The following ARG2 variants were observed in gnomAD, a reference collection of about 807,000 sequenced individuals.
ARG2 encodes the protein arginase 2.
In ARG2, 21 loss-of-function variants were observed where a neutral mutation model predicts 39.4. The observed-to-expected ratio is 0.53, with a 90% CI of 0.38 to 0.77. The LOEUF (loss-of-function observed/expected upper bound fraction) is 0.77. Among genes scored for constraint, ARG2 ranks in the 30% least tolerant of loss-of-function variants. The pLI, the probability that ARG2 is intolerant of heterozygous loss-of-function variation, is 0.00. For missense variants in ARG2, 378 were observed against 426.2 expected (o/e 0.89, Z 1.00); for synonymous variants, 150 against 156.7 (o/e 0.96, Z 0.32).
chr14:67,644,012 G>C (rs963930391), intron 3 of ARG2, among the ~76,000 whole-genome samples: 1 of 151,904 alleles, frequency 6.6e-6, no homozygotes, highest in Non-Finnish European at 1.5e-5. Context: ...TATTAAGTCT[G>C]TCTGCTGTTC....
At chr14:67,642,056 C>T (rs888251486) in intron 2 of ARG2, 130 bp from the exon 3 acceptor site, 17 of 913,108 alleles carry the variant, frequency 1.9e-5, no homozygotes, top group Admixed American at 1.0e-4. Context: ...AATCATTTGA[C>T]ATTTTAAATT....
intron 5 of ARG2, 23 bp from the exon 6 acceptor site, chr14:67,646,898 C>T (rs761177455): frequency 2.0e-6 from 3 of 1,512,488 alleles, no homozygotes; most frequent in Non-Finnish European, 2.8e-6. Flanking sequence ...ACTAAGGACT[C>T]CTCCCTTTAT....
At chr14:67,647,152 C>T in intron 6 of ARG2, 127 bp downstream of exon 6, 1 of 630,570 alleles carries the variant, frequency 1.6e-6, no homozygotes, top group South Asian at 2.3e-5. Flanking sequence ...TTAAATAGTT[C>T]AGAAAGGCAA....
chr14:67,647,052 C>A, intron 6 of ARG2, 27 bp downstream of exon 6: 1 of 1,438,810 alleles, frequency 7.0e-7, no homozygotes, highest in Non-Finnish European at 9.8e-7. Flanking sequence ...GATGTCAGGG[C>A]AAACCCCCAA....
At chr14:67,647,142 T>C in intron 6 of ARG2, 117 bp downstream of exon 6, 2 of 712,436 alleles carry the variant, frequency 2.8e-6, no homozygotes, top group Non-Finnish European at 4.6e-6. Flanking sequence ...ACACATAATT[T>C]TAAATAGTTC....
chr14:67,638,660 G>GA (rs2036997904), intron 2 of ARG2, among the ~76,000 whole-genome samples: 1 of 152,106 alleles, frequency 6.6e-6, no homozygotes, highest in Admixed American at 6.5e-5. Flanking sequence ...GGGGAAAAAA[G>GA]AAAAAACAGA....
At chr14:67,641,948 C>G (rs2037035873) in intron 2 of ARG2, among the ~76,000 whole-genome samples, 2 of 152,002 alleles carry the variant, frequency 1.3e-5, no homozygotes, top group Non-Finnish European at 2.9e-5. Flanking sequence ...AATGGTTAAC[C>G]ATTTTTTTAT....
At chr14:67,638,652 G>A (rs1015066113) in intron 2 of ARG2, among the ~76,000 whole-genome samples, 16 of 152,032 alleles carry the variant, frequency 1.1e-4, no homozygotes, top group African/African-American at 3.6e-4. Flanking sequence ...TATTCTAGGG[G>A]GAAAAAAGAA....
chr14:67,624,460 T>C (rs951127838), intron 2 of ARG2, among the ~76,000 whole-genome samples: 2 of 152,206 alleles, frequency 1.3e-5, no homozygotes, highest in African/African-American at 4.8e-5. Context: ...AGGCTTCTGC[T>C]TCTGGGGAGG....
chr14:67,641,482 C>T (rs1458181992), intron 2 of ARG2, among the ~76,000 whole-genome samples: 1 of 152,172 alleles, frequency 6.6e-6, no homozygotes, highest in Non-Finnish European at 1.5e-5. Flanking sequence ...TTTCCTCATC[C>T]ACCAAATAGG....
chr14:67,630,618 C>T (rs926919822), intron 2 of ARG2, among the ~76,000 whole-genome samples: 3 of 152,268 alleles, frequency 2.0e-5, no homozygotes, highest in Non-Finnish European at 4.4e-5. Flanking sequence ...CTCGCTCTGT[C>T]GCCCAGGCTG....
chr14:67,637,230 C>A (rs770032437), intron 2 of ARG2, among the ~76,000 whole-genome samples: 45 of 151,592 alleles, frequency 3.0e-4, no homozygotes, highest in Non-Finnish European at 5.5e-4. Context: ...ACCAACATGG[C>A]GAAACCTCGT....
rs113845293 is a variant in ARG2 at position 67,620,297 on chromosome 14, G to A, written c.111+209G>A. On this transcript the variant is annotated intron_variant, in intron 1 of 7. Coordinates refer to ENST00000261783, the MANE Select transcript of ARG2 (RefSeq NM_001172.4). The stretch of plus-strand genomic sequence containing the variant: ...ATGGAGAGGGAGGGAGGGAGGGGTG[G>A]AGGGCACCCTGTTTGGGATGAGGGT... 1.2e-3 allele frequency among the ~76,000 whole-genome samples: 187 copies of A among 152,138 alleles called. 2 individuals are homozygous for A. The highest frequency in any genetic ancestry group is 4.4e-3 in the African/African-American group (184 of 41,514).
At chr14:67,633,816 T>C (rs2036943284) in intron 2 of ARG2, among the ~76,000 whole-genome samples, 1 of 151,950 alleles carries the variant, frequency 6.6e-6, no homozygotes, top group Non-Finnish European at 1.5e-5. Flanking sequence ...AGGCATTCTC[T>C]CCTCCTCAGT....
intron 2 of ARG2, among the ~76,000 whole-genome samples, chr14:67,637,050 A>G (rs1403647960): frequency 6.6e-6 from 1 of 152,206 alleles, no homozygotes; most frequent in Non-Finnish European, 1.5e-5. Context: ...AGCTTCTTGA[A>G]AAATTAGTGA....
chr14:67,642,793 CTT>C (rs869215946), intron 3 of ARG2, among the ~76,000 whole-genome samples: 25 of 75,552 alleles, frequency 3.3e-4, no homozygotes, highest in African/African-American at 1.2e-3. Flanking sequence ...ACTACATTTT[CTT>C]TTTTTTTTTT....
chr14:67,637,256 A>G (rs144037058), intron 2 of ARG2, among the ~76,000 whole-genome samples: 187 of 151,828 alleles, frequency 1.2e-3, no homozygotes, highest in Non-Finnish European at 2.3e-3. Context: ...CTAAAACTAC[A>G]AAAATTAGCT....
At chr14:67,650,450 T>C (rs2037157759) in intron 7 of ARG2, 1 of 453,706 alleles carries the variant, frequency 2.2e-6, no homozygotes, top group South Asian at 2.8e-5. Flanking sequence ...CGCCTGACAA[T>C]TATGCCTGTT....
intron 2 of ARG2, among the ~76,000 whole-genome samples, chr14:67,622,565 C>A (rs2036821966): frequency 6.6e-6 from 1 of 152,192 alleles, no homozygotes; most frequent in Non-Finnish European, 1.5e-5. Context: ...AAGATTTAGT[C>A]TTCTTTTAAT....
Sources: allele counts gnomAD v4.1 joint callset (sites outside exome capture counted in the v4.1 genomes callset), GRCh38; gene constraint gnomAD v4.1.1; transcripts MANE v1.5; gene names NCBI Gene and HGNC (gene_info 2026-07-23, HGNC 2026-07-21).